The following EHMT1 variants were observed in gnomAD, a reference collection of about 807,000 sequenced individuals.
EHMT1 encodes the protein euchromatic histone lysine methyltransferase 1.
EHMT1 carries 15 observed loss-of-function variants against 147.2 expected under a neutral mutation model. That is an observed-to-expected ratio of 0.10 (90% CI 0.07 to 0.16). The LOEUF (loss-of-function observed/expected upper bound fraction) is 0.16. Among genes scored for constraint, EHMT1 ranks in the 10% least tolerant of loss-of-function variants. EHMT1 has a pLI of 1.00. For synonymous variants in EHMT1, 795 were observed against 709.6 expected, an observed-to-expected ratio of 1.12 and a Z score of -1.91; for missense variants, 1,587 against 1,772.4, an observed-to-expected ratio of 0.90 and a Z score of 1.88.
At chr9:137,684,294 A>G (rs1942234737) in intron 1 of EHMT1, among the ~76,000 whole-genome samples, 1 of 152,038 alleles carries the variant, frequency 6.6e-6, no homozygotes, top group African/African-American at 2.4e-5. Flanking sequence ...TGGCCTCCCA[A>G]AGTGCTGGGA....
intron 1 of EHMT1, among the ~76,000 whole-genome samples, chr9:137,679,126 C>A (rs918942745): frequency 6.6e-6 from 1 of 151,880 alleles, no homozygotes. Context: ...AATTTTTGTA[C>A]TTTTAATAGA....
At chr9:137,792,566 G>A (rs1219692556) in intron 16 of EHMT1, among the ~76,000 whole-genome samples, 8 of 152,202 alleles carry the variant, frequency 5.3e-5, no homozygotes, top group African/African-American at 1.9e-4. Flanking sequence ...TTAGCCGGGC[G>A]TGGTGATGGG....
intron 1 of EHMT1, among the ~76,000 whole-genome samples, chr9:137,689,708 AAAAAG>A (rs1389959189): frequency 6.6e-6 from 1 of 152,220 alleles, no homozygotes; most frequent in Non-Finnish European, 1.5e-5. Flanking sequence ...GTCTCAAAAG[AAAAAG>A]AAAAGGACAC....
In EHMT1 at chr9:137,775,912, C is replaced by T. The variant is rs2136666312; in HGVS notation, c.1791+660C>T. ...GTGTGTGTGTGTGTCTGTGCGCGCACACATCTGTGTGAGCCTCTGCCTGTA... is the reference window on the plus strand; with the variant it reads ...GTGTGTGTGTGTGTCTGTGCGCGCATACATCTGTGTGAGCCTCTGCCTGTA... On this transcript the variant is annotated intron_variant, in intron 11 of 26. Coordinates refer to ENST00000460843, the MANE Select transcript of EHMT1 (RefSeq NM_024757.5). The surrounding 1 kb of genome is among the most constrained non-coding windows in gnomAD (Gnocchi z 6.1). Among the ~76,000 whole-genome samples, 1 of 151,878 alleles carries T rather than the reference C, an allele frequency of 6.6e-6. No individual in the cohort carries two copies. The highest frequency in any genetic ancestry group is 2.1e-4 in the South Asian group (1 of 4,806).
At chr9:137,656,055 A>C (rs1386644968) in intron 1 of EHMT1, among the ~76,000 whole-genome samples, 1 of 152,206 alleles carries the variant, frequency 6.6e-6, no homozygotes, top group Non-Finnish European at 1.5e-5. Flanking sequence ...TTCAAGGGAA[A>C]AATTGTTTAT....
intron 15 of EHMT1, chr9:137,788,851 G>GTGA (rs1952244670): frequency 6.6e-6 from 1 of 152,400 alleles, no homozygotes; most frequent in Admixed American, 6.5e-5. Flanking sequence ...CGCTCCGCTT[G>GTGA]CGGTGAGGGT....
At chr9:137,733,753 C>T (rs542235824) in intron 4 of EHMT1, among the ~76,000 whole-genome samples, 1 of 152,274 alleles carries the variant, frequency 6.6e-6, no homozygotes, top group African/African-American at 2.4e-5. Flanking sequence ...TTTATCTCCC[C>T]ACTTCATTTT....
chr9:137,718,756 TTTTC>T (rs1945618642), intron 3 of EHMT1, among the ~76,000 whole-genome samples: 2 of 150,034 alleles, frequency 1.3e-5, no homozygotes, highest in Non-Finnish European at 2.9e-5. Context: ...TTCTTTTTCT[TTTTC>T]TTTTTTTTTT....
At chr9:137,624,598 GT>G (rs1843139115) in intron 1 of EHMT1, among the ~76,000 whole-genome samples, 1 of 152,130 alleles carries the variant, frequency 6.6e-6, no homozygotes, top group African/African-American at 2.4e-5. Flanking sequence ...GGGATTACAG[GT>G]TTGAGCCACC....
At chr9:137,788,153 C>T (rs941632786) in intron 15 of EHMT1, 14 of 925,132 alleles carry the variant, frequency 1.5e-5, no homozygotes, top group Non-Finnish European at 2.1e-5. Flanking sequence ...TGGTCACTGC[C>T]TTCTCCCCAC....
At chr9:137,718,422 C>G (rs1425451044) in intron 3 of EHMT1, among the ~76,000 whole-genome samples, 1 of 152,254 alleles carries the variant, frequency 6.6e-6, no homozygotes, top group African/African-American at 2.4e-5. Context: ...AACATTCTGA[C>G]AGCACTTTCT....
Position 137,828,043 on chromosome 9 carries a change from C to T in EHMT1, c.3541-6306C>T, listed in dbSNP as rs796124283. On this transcript the variant is annotated intron_variant, in intron 25 of 26. Coordinates refer to ENST00000460843, the MANE Select transcript of EHMT1 (RefSeq NM_024757.5). This position sits in a 1 kb window ranked among gnomAD's most constrained non-coding sequence, Gnocchi z 5.3. ...AGCCGACAGGGTGCGACGGGGTGGT[C>T]GGCCCGGCTGCCATCGTGGGAGGGA... Among the ~76,000 whole-genome samples the T allele has an allele frequency of 6.6e-6, 1 of 152,122 alleles. No individual in the cohort carries two copies. The highest frequency in any genetic ancestry group is 1.5e-5 in the Non-Finnish European group (1 of 68,010).
rs1260298730 is a variant in EHMT1 at position 137,717,023 on chromosome 9, A to C, written c.483A>C (p.Lys161Asn). The C allele has an allele frequency of 6.2e-6, 10 of 1,606,766 alleles. No individual in the cohort carries two copies. Among genetic ancestry groups the C allele is most frequent in the Non-Finnish European group, 8.5e-6 (10 of 1,175,474 alleles). ...AAKTLPGGAGKGRTPSAFPQT... is the reference protein window; with the variant it reads ...AAKTLPGGAGNGRTPSAFPQT... ...AAACCCTTCCTGGAGGGGCTGGCAA[A>C]GGCAGGACTCCAAGCGCTTTTCCCC... The change falls in exon 3 of 27, where the codon AAA becomes AAC. Residue 161 changes from lysine to asparagine, a missense_variant. Lys to Asn is a moderately conservative substitution (Grantham distance 94, BLOSUM62 0). This residue lies in a region of EHMT1 where 810 missense variants were observed against 673.0 expected (regional missense o/e 1.20). Transcript: ENST00000460843.
intron 4 of EHMT1, among the ~76,000 whole-genome samples, chr9:137,739,365 A>AT (rs1037013221): frequency 6.6e-6 from 1 of 152,142 alleles, no homozygotes; most frequent in Non-Finnish European, 1.5e-5. Flanking sequence ...CAAAAAAAAA[A>AT]AAAAAAGAAA....
chr9:137,662,475 AT>A (rs1939180618), intron 1 of EHMT1, among the ~76,000 whole-genome samples: 1 of 151,912 alleles, frequency 6.6e-6, no homozygotes. Flanking sequence ...TGGGATTATA[AT>A]AGGTGTGAGG....
intron 18 of EHMT1, among the ~76,000 whole-genome samples, chr9:137,806,349 G>C (rs575487021): frequency 1.3e-5 from 2 of 152,052 alleles, no homozygotes; most frequent in Non-Finnish European, 2.9e-5. Context: ...CCACCTTGGT[G>C]GGCTCATGCT....
chr9:137,740,841 T>G (rs1588464554), intron 4 of EHMT1, among the ~76,000 whole-genome samples: 1 of 152,148 alleles, frequency 6.6e-6, no homozygotes, highest in East Asian at 1.9e-4. Context: ...CTAGCTCTGT[T>G]TCCCAGGCTG....
chr9:137,756,953 C>A (rs1375531418), intron 8 of EHMT1, among the ~76,000 whole-genome samples: 1 of 152,164 alleles, frequency 6.6e-6, no homozygotes, highest in Non-Finnish European at 1.5e-5. Context: ...GTTACCATAC[C>A]TCTCTGTGCT....
Position 137,782,461 on chromosome 9 carries a change from A to G in EHMT1, c.2382+64A>G, listed in dbSNP as rs1011908594. On this transcript the variant is annotated intron_variant, in intron 15 of 26. Transcript: ENST00000460843. The surrounding 1 kb of genome is among the most constrained non-coding windows in gnomAD (Gnocchi z 5.7). ...CTCTCTTTTATTTTTACCAAAGTAA[A>G]ATCATACCACGTTCGCGGTTCTTCC... 8.3e-6 allele frequency: 12 copies of G among 1,444,300 alleles called. No homozygotes were observed. The highest frequency in any genetic ancestry group is 1.1e-5 in the Non-Finnish European group (12 of 1,061,342). The allele number at this position is 1,444,300 out of a possible 1,614,324, so 89.5% of individuals were successfully genotyped here. A position where few individuals can be genotyped will look rare whatever the true frequency, so the allele number is the denominator to read the frequency against.
Sources: allele counts gnomAD v4.1 joint callset (sites outside exome capture counted in the v4.1 genomes callset), GRCh38; gene constraint gnomAD v4.1.1; regional missense constraint gnomAD v4.1.1; non-coding constraint Gnocchi (gnomAD v3.1); transcripts MANE v1.5; gene names NCBI Gene and HGNC (gene_info 2026-07-23, HGNC 2026-07-21).